Variants in ZMIZ1 observed in about 807,000 individuals in gnomAD.
ZMIZ1 encodes the protein zinc finger MIZ-type containing 1.
ZMIZ1 carries 17 observed loss-of-function variants against 113.9 expected under a neutral mutation model. That is an observed-to-expected ratio of 0.15 (90% CI 0.10 to 0.22). ZMIZ1 has a LOEUF of 0.22. Ranked by LOEUF, ZMIZ1 falls within the 10% of genes least tolerant of loss-of-function variation. The pLI, the probability that ZMIZ1 is intolerant of heterozygous loss-of-function variation, is 1.00. For missense variants in ZMIZ1, 1,059 were observed against 1,477.8 expected, an observed-to-expected ratio of 0.72 and a Z score of 4.65; for synonymous variants, 607 against 603.1, an observed-to-expected ratio of 1.01 and a Z score of -0.09.
At chr10:79,099,104 T>C (rs1487189494) in intron 1 of ZMIZ1, among the ~76,000 whole-genome samples, 1 of 151,996 alleles carries the variant, frequency 6.6e-6, no homozygotes, top group Non-Finnish European at 1.5e-5. Context: ...CTGCACCCCC[T>C]CCTCGACACC....
At chr10:79,244,051 G>C (rs548374986) in intron 7 of ZMIZ1, among the ~76,000 whole-genome samples, 2 of 152,362 alleles carry the variant, frequency 1.3e-5, no homozygotes, top group South Asian at 2.1e-4. Context: ...ACGAGGCTCT[G>C]TGCTCAGTCG....
chr10:79,115,985 C>T (rs759240709), intron 1 of ZMIZ1, among the ~76,000 whole-genome samples: 9 of 152,234 alleles, frequency 5.9e-5, no homozygotes, highest in East Asian at 1.9e-4. Context: ...CATTATACTA[C>T]GGCCATGGGT....
chr10:79,175,606 G>GTT, intron 4 of ZMIZ1, among the ~76,000 whole-genome samples: 1 of 94,522 alleles, frequency 1.1e-5, no homozygotes, highest in Non-Finnish European at 2.1e-5. Flanking sequence ...GTGTGTGTGT[G>GTT]TGTGTGTGTG....
intron 7 of ZMIZ1, among the ~76,000 whole-genome samples, chr10:79,253,447 AC>A (rs887542746): frequency 7.2e-5 from 11 of 152,108 alleles, no homozygotes; most frequent in African/African-American, 1.7e-4. Flanking sequence ...GCTTACGGGT[AC>A]CTGCACTGTC....
chr10:79,145,533 CATAAAATGGGGTG>C (rs1242331774), intron 3 of ZMIZ1, among the ~76,000 whole-genome samples: 2 of 152,078 alleles, frequency 1.3e-5, no homozygotes, highest in African/African-American at 2.4e-5. Flanking sequence ...GTGCTGCATC[CATAAAATGGGGTG>C]ATAATTTTAC....
chr10:79,226,137 A>AGGTAT (rs1849190169), intron 7 of ZMIZ1, among the ~76,000 whole-genome samples: 1 of 152,148 alleles, frequency 6.6e-6, no homozygotes, highest in African/African-American at 2.4e-5. Flanking sequence ...GCAGGGCCAC[A>AGGTAT]CAGCCCTTCA....
intron 7 of ZMIZ1, among the ~76,000 whole-genome samples, chr10:79,266,438 A>C (rs1195467911): frequency 1.3e-5 from 2 of 152,102 alleles, no homozygotes; most frequent in East Asian, 3.9e-4. Flanking sequence ...GCAGGGTCCT[A>C]ATTGGGTCTT....
chr10:79,223,775 TG>T (rs570153272), intron 7 of ZMIZ1, among the ~76,000 whole-genome samples: 65 of 152,310 alleles, frequency 4.3e-4, no homozygotes, highest in African/African-American at 1.4e-3. Flanking sequence ...TGAATTACCC[TG>T]GGTGAACTGG....
At chr10:79,185,331 C>T (rs12161674) in intron 4 of ZMIZ1, among the ~76,000 whole-genome samples, 29,585 of 152,138 alleles carry the variant, frequency 0.19, 3,298 homozygotes, top group South Asian at 0.3. Context: ...CCTGCTGAAA[C>T]GATAGAAAAT....
chr10:79,195,380 G>A (rs114745472), intron 4 of ZMIZ1, among the ~76,000 whole-genome samples: 16 of 152,324 alleles, frequency 1.1e-4, no homozygotes, highest in African/African-American at 3.6e-4. Context: ...GTCCTGAGCC[G>A]GGATGGGGGT....
At chr10:79,310,329 G>T (rs554343859) in intron 23 of ZMIZ1, among the ~76,000 whole-genome samples, 1 of 152,282 alleles carries the variant, frequency 6.6e-6, no homozygotes, top group South Asian at 2.1e-4. Context: ...AATTCCACCC[G>T]CGCTGCAGGG....
At chr10:79,299,309 C>A (rs530316431) in intron 16 of ZMIZ1, 118 bp downstream of exon 16, 3 of 1,383,772 alleles carry the variant, frequency 2.2e-6, no homozygotes, top group Admixed American at 5.0e-5. Context: ...GACACCTTCA[C>A]GTGTTCAGCA....
chr10:79,120,297 A>T (rs895542096), intron 2 of ZMIZ1, among the ~76,000 whole-genome samples: 1 of 152,314 alleles, frequency 6.6e-6, no homozygotes, highest in Non-Finnish European at 1.5e-5. Context: ...ACATGCACAA[A>T]CTCGTGTTGG....
intron 2 of ZMIZ1, among the ~76,000 whole-genome samples, chr10:79,125,029 T>C (rs1844453343): frequency 6.6e-6 from 1 of 152,170 alleles, no homozygotes; most frequent in South Asian, 2.1e-4. Flanking sequence ...CCAGGAACTG[T>C]GGCAGCAGGA....
At chr10:79,255,415 T>G (rs1564555860) in intron 7 of ZMIZ1, among the ~76,000 whole-genome samples, 2 of 152,204 alleles carry the variant, frequency 1.3e-5, no homozygotes, top group East Asian at 3.8e-4. Flanking sequence ...AGCATGGGTA[T>G]GAGTAGGTAA....
At chr10:79,158,843 G>C (rs556903519) in intron 3 of ZMIZ1, among the ~76,000 whole-genome samples, 30 of 152,354 alleles carry the variant, frequency 2.0e-4, no homozygotes, top group Middle Eastern at 3.4e-3. Context: ...TCACTTTCCA[G>C]CTGGACACCT....
At chr10:79,175,633 GGTTTTTACA>G (rs1846824050) in intron 4 of ZMIZ1, among the ~76,000 whole-genome samples, 1 of 72,500 alleles carries the variant, frequency 1.4e-5, no homozygotes, top group East Asian at 1.4e-3. Context: ...TGTGTGTGGA[GGTTTTTACA>G]GACCCGCATG....
At chr10:79,215,875 A>C (rs1848705361) in intron 6 of ZMIZ1, among the ~76,000 whole-genome samples, 1 of 152,066 alleles carries the variant, frequency 6.6e-6, no homozygotes, top group African/African-American at 2.4e-5. Flanking sequence ...CCGACTTCTA[A>C]AATGTGGTCG....
intron 18 of ZMIZ1, among the ~76,000 whole-genome samples, 197 bp downstream of exon 18, chr10:79,302,409 A>C (rs1025443457): frequency 3.3e-5 from 5 of 152,180 alleles, no homozygotes; most frequent in African/African-American, 7.2e-5. Flanking sequence ...CAGAGAAGCT[A>C]GGTCCCATAA....
Sources: gnomAD v4.1 joint callset for allele counts (sites outside exome capture counted in the v4.1 genomes callset) on GRCh38, gnomAD v4.1.1 for gene constraint, MANE v1.5 for transcripts, NCBI Gene and HGNC (gene_info 2026-07-23, HGNC 2026-07-21) for gene names.